Variants in PABPC4L observed in about 807,000 individuals in gnomAD.
PABPC4L encodes polyadenylate-binding protein 4-like.
For synonymous variants in PABPC4L, 169 were observed against 164.1 expected, an observed-to-expected ratio of 1.03 and a Z score of -0.23; for missense variants, 452 against 451.4, an observed-to-expected ratio of 1.00 and a Z score of -0.01.
At chr4:134,177,778 GC>G in the PABPC4L span, among the ~76,000 whole-genome samples, 1 of 152,194 alleles carries the variant, frequency 6.6e-6, no homozygotes, top group South Asian at 2.1e-4. Context: ...GCCTGCCACA[GC>G]CTCTAGCATG....
the PABPC4L span, among the ~76,000 whole-genome samples, chr4:134,042,889 A>G: frequency 6.6e-6 from 1 of 152,138 alleles, no homozygotes; most frequent in East Asian, 1.9e-4. Context: ...AGGACTCTAG[A>G]TAGGGTGGCC....
chr4:134,050,079 G>T, the PABPC4L span, among the ~76,000 whole-genome samples: 2 of 152,110 alleles, frequency 1.3e-5, no homozygotes. Flanking sequence ...AAGACTAGAT[G>T]AAGTATATTG....
chr4:134,051,344 A>G, the PABPC4L span, among the ~76,000 whole-genome samples: 1 of 152,176 alleles, frequency 6.6e-6, no homozygotes, highest in Non-Finnish European at 1.5e-5. Flanking sequence ...ATAGGGAAAG[A>G]GTCTAGCAAA....
the PABPC4L span, among the ~76,000 whole-genome samples, chr4:134,130,993 C>T: frequency 6.6e-6 from 1 of 151,988 alleles, no homozygotes; most frequent in African/African-American, 2.4e-5. Flanking sequence ...ATACATCATC[C>T]CTTTATGATT....
At chr4:134,110,257 G>A in the PABPC4L span, among the ~76,000 whole-genome samples, 1 of 151,866 alleles carries the variant, frequency 6.6e-6, no homozygotes, top group Non-Finnish European at 1.5e-5. Flanking sequence ...AAAAGAAAAT[G>A]TTTGCTATAC....
In PABPC4L at chr4:134,198,549, C is replaced by T. The variant is rs1203448700; in HGVS notation, c.*1358G>A. 1 of 151,234 alleles carries T rather than the reference C, an allele frequency of 6.6e-6. No homozygotes were observed. Among genetic ancestry groups the T allele is most frequent in the Non-Finnish European group, 1.5e-5 (1 of 67,646 alleles). 9.4% of individuals were successfully genotyped at this position (151,234 alleles called of 1,614,324 possible). ...ATAATAGTTATGAGAAAAAACTAAG[C>T]CAAGTAAAAATATGAAAACAGTAAA... is the stretch of plus-strand genomic sequence containing the variant. On this transcript the variant is annotated 3_prime_UTR_variant, in exon 2 of 2. Coordinates refer to ENST00000421491, the MANE Select transcript of PABPC4L (RefSeq NM_001114734.2).
chr4:134,072,291 C>T, the PABPC4L span, among the ~76,000 whole-genome samples: 1 of 152,104 alleles, frequency 6.6e-6, no homozygotes, highest in African/African-American at 2.4e-5. Context: ...TTCCTGGCCC[C>T]AGAGTTGATG....
chr4:133,988,335 A>G, the PABPC4L span, among the ~76,000 whole-genome samples: 5 of 152,200 alleles, frequency 3.3e-5, no homozygotes, highest in African/African-American at 1.2e-4. Context: ...TCTGCCCATG[A>G]GCCAGTAAAA....
chr4:134,156,693 T>G, the PABPC4L span, among the ~76,000 whole-genome samples: 1 of 151,854 alleles, frequency 6.6e-6, no homozygotes, highest in Non-Finnish European at 1.5e-5. Flanking sequence ...TATATAAATC[T>G]TAAATATTTC....
the PABPC4L span, among the ~76,000 whole-genome samples, chr4:134,014,398 G>T: frequency 6.6e-6 from 1 of 152,070 alleles, no homozygotes; most frequent in African/African-American, 2.4e-5. Flanking sequence ...CACCTAAACC[G>T]CAGTGGCCAG....
the PABPC4L span, among the ~76,000 whole-genome samples, chr4:134,055,659 A>G: frequency 6.9e-6 from 1 of 144,242 alleles, no homozygotes; most frequent in Non-Finnish European, 1.5e-5. Flanking sequence ...CAATTTTCTA[A>G]TTGGATTGAT....
the PABPC4L span, among the ~76,000 whole-genome samples, chr4:134,125,355 A>G: frequency 6.6e-6 from 1 of 151,842 alleles, no homozygotes; most frequent in African/African-American, 2.4e-5. Flanking sequence ...GTACATGTGC[A>G]CAAAGTGCAG....
chr4:134,155,627 C>T, the PABPC4L span, among the ~76,000 whole-genome samples: 1 of 151,878 alleles, frequency 6.6e-6, no homozygotes, highest in Non-Finnish European at 1.5e-5. Context: ...AAGTGAATTA[C>T]ATATAATCAT....
chr4:134,053,321 G>C, the PABPC4L span, among the ~76,000 whole-genome samples: 1 of 152,124 alleles, frequency 6.6e-6, no homozygotes, highest in Non-Finnish European at 1.5e-5. Context: ...AAGCGCTGCT[G>C]AATGTGGATG....
the PABPC4L span, among the ~76,000 whole-genome samples, chr4:134,049,753 G>T: frequency 6.6e-6 from 1 of 152,172 alleles, no homozygotes; most frequent in Non-Finnish European, 1.5e-5. Flanking sequence ...AAAAGATGTT[G>T]TTTAAGTGAA....
At chr4:134,002,921 A>G in the PABPC4L span, among the ~76,000 whole-genome samples, 12,746 of 151,864 alleles carry the variant, frequency 0.084, 752 homozygotes, top group Admixed American at 0.19. Flanking sequence ...ATGGAACATG[A>G]GGAGTCTATT....
the PABPC4L span, among the ~76,000 whole-genome samples, chr4:134,182,105 A>G: frequency 2.6e-5 from 4 of 151,686 alleles, no homozygotes; most frequent in Admixed American, 2.6e-4. Flanking sequence ...AAAAAACAAA[A>G]ACAAAAAAAC....
the PABPC4L span, among the ~76,000 whole-genome samples, chr4:134,167,949 C>T: frequency 1.3e-5 from 2 of 152,026 alleles, no homozygotes; most frequent in Non-Finnish European, 2.9e-5. Context: ...ATTTAATAGA[C>T]ACTTATAGAA....
chr4:133,996,432 G>A, the PABPC4L span, among the ~76,000 whole-genome samples: 1 of 152,076 alleles, frequency 6.6e-6, no homozygotes, highest in East Asian at 1.9e-4. Flanking sequence ...CGAGACGAAG[G>A]CTCCACTAGC....
Sources: gnomAD v4.1 joint callset for allele counts (sites outside exome capture counted in the v4.1 genomes callset) on GRCh38, gnomAD v4.1.1 for gene constraint, MANE v1.5 for transcripts, NCBI Gene and HGNC (gene_info 2026-07-23, HGNC 2026-07-21) for gene names.